Variants in CCDC62 observed in about 807,000 individuals in gnomAD.
CCDC62 encodes the protein coiled-coil domain containing 62.
CCDC62 carries 72 observed loss-of-function variants against 80.8 expected under a neutral mutation model. The ratio of observed to expected loss-of-function variants is 0.89; its 90% CI spans 0.74 to 1.08. The LOEUF is 1.08. CCDC62 is among the 50% of genes least tolerant of loss of function. CCDC62 has a pLI of 0.00. For missense variants in CCDC62, 704 were observed against 809.4 expected, an observed-to-expected ratio of 0.87 and a Z score of 1.58; for synonymous variants, 286 against 296.5, an observed-to-expected ratio of 0.96 and a Z score of 0.36.
intron 6 of CCDC62, among the ~76,000 whole-genome samples, chr12:122,795,244 T>C (rs999125521): frequency 1.3e-4 from 20 of 151,246 alleles, no homozygotes; most frequent in African/African-American, 4.6e-4. Context: ...AGAGACGTGG[T>C]TTCATTGTGT....
At chr12:122,805,187 CTTTTTT>C (rs35231650) in intron 9 of CCDC62, among the ~76,000 whole-genome samples, 77 of 64,480 alleles carry the variant, frequency 1.2e-3, no homozygotes, top group African/African-American at 3.1e-3. Flanking sequence ...AACTGGCCGG[CTTTTTT>C]TTTTTTTTTT....
intron 6 of CCDC62, among the ~76,000 whole-genome samples, chr12:122,796,541 G>A (rs1210686749): frequency 2.0e-5 from 3 of 152,118 alleles, no homozygotes; most frequent in Non-Finnish European, 2.9e-5. Flanking sequence ...GATGCACTAC[G>A]GATATCACTT....
intron 3 of CCDC62, among the ~76,000 whole-genome samples, chr12:122,781,609 C>T (rs538679010): frequency 1.3e-5 from 2 of 151,596 alleles, no homozygotes; most frequent in Admixed American, 6.6e-5. Flanking sequence ...CGTTTGAACC[C>T]GGGAGGTGGA....
intron 9 of CCDC62, among the ~76,000 whole-genome samples, chr12:122,803,520 G>A (rs1205633358): frequency 6.6e-6 from 1 of 152,056 alleles, no homozygotes; most frequent in Non-Finnish European, 1.5e-5. Context: ...ATATTGAGAG[G>A]CGTATTTTAA....
At chr12:122,805,335 T>G (rs1227151504) in intron 9 of CCDC62, among the ~76,000 whole-genome samples, 1 of 146,154 alleles carries the variant, frequency 6.8e-6, no homozygotes, top group Non-Finnish European at 1.5e-5. Flanking sequence ...AATAATTTTG[T>G]CTTAATTCTT....
intron 6 of CCDC62, 33 bp downstream of exon 6, chr12:122,792,154 A>T (rs918717288): frequency 2.3e-6 from 3 of 1,294,870 alleles, no homozygotes. Flanking sequence ...TTTGTAACCT[A>T]GACTTGCAAT....
Position 122,801,817 on chromosome 12 carries a change from A to T in CCDC62, c.1671A>T (p.Glu557Asp), listed in dbSNP as rs199891405. 1 of 1,614,140 alleles carries T rather than the reference A, an allele frequency of 6.2e-7. No individual in the cohort carries two copies. Among genetic ancestry groups the T allele is most frequent in the East Asian group, 2.2e-5 (1 of 44,884 alleles). The change falls in exon 9 of 13, where the codon GAA (glutamate) becomes GAT (aspartate). Residue 557 changes from glutamate (E) to aspartate (D), a missense_variant. By Grantham distance (45) the Glu-to-Asp change is conservative (BLOSUM62 2). Transcript: ENST00000253079. The part of the protein sequence containing the change: ...VRLKSGCTCS[E>D]SICGTQHDSP... ...TCAAATCTGGGTGCACCTGTTCAGAAAGCATCTGTGGCACACAACATGACT... is the reference window on the plus strand; with the variant it reads ...TCAAATCTGGGTGCACCTGTTCAGATAGCATCTGTGGCACACAACATGACT...
intron 10 of CCDC62, among the ~76,000 whole-genome samples, chr12:122,812,756 G>GGAGAGAGAGAGA (rs551370561): frequency 2.0e-4 from 18 of 88,836 alleles, no homozygotes; most frequent in African/African-American, 8.2e-4. Flanking sequence ...AGAGAGGGAG[G>GGAGAGAGAGAGA]GAGAGAGAGA....
intron 6 of CCDC62, among the ~76,000 whole-genome samples, chr12:122,793,475 A>C (rs949352958): frequency 1.3e-5 from 2 of 152,064 alleles, no homozygotes; most frequent in Admixed American, 1.3e-4. Context: ...GGAAACTCTG[A>C]GATACTGGGG....
At chr12:122,815,713 C>T (rs1480788056) in intron 11 of CCDC62, among the ~76,000 whole-genome samples, 1 of 152,182 alleles carries the variant, frequency 6.6e-6, no homozygotes, top group African/African-American at 2.4e-5. Context: ...TCCCAAAATG[C>T]TGGGATTACA....
At chr12:122,784,737 AG>A (rs552236739) in intron 3 of CCDC62, among the ~76,000 whole-genome samples, 140 of 152,262 alleles carry the variant, frequency 9.2e-4, no homozygotes, top group African/African-American at 3.2e-3. Flanking sequence ...CGGGACACTG[AG>A]GTGGGAGGAC....
At chr12:122,788,617 A>T in intron 4 of CCDC62, 141 bp from the exon 5 acceptor site, 1 of 579,802 alleles carries the variant, frequency 1.7e-6, no homozygotes, top group Non-Finnish European at 3.0e-6. Context: ...TCATAGAGTT[A>T]CTGTAAAGAT....
At chr12:122,811,600 A>G (rs1447810045) in intron 10 of CCDC62, among the ~76,000 whole-genome samples, 1 of 151,054 alleles carries the variant, frequency 6.6e-6, no homozygotes, top group Non-Finnish European at 1.5e-5. Context: ...AAGGGGGATC[A>G]CCTAAGGTCA....
intron 3 of CCDC62, among the ~76,000 whole-genome samples, chr12:122,782,883 G>A (rs868268091): frequency 1.3e-5 from 2 of 151,572 alleles, no homozygotes; most frequent in Admixed American, 6.6e-5. Flanking sequence ...CGAGGTGGGC[G>A]GTGACTTGAG....
intron 6 of CCDC62, among the ~76,000 whole-genome samples, chr12:122,795,760 G>A (rs1414135579): frequency 6.6e-6 from 1 of 152,146 alleles, no homozygotes; most frequent in Non-Finnish European, 1.5e-5. Context: ...TAGGAGTAAG[G>A]AGTTTGCAAA....
At chr12:122,774,799 T>C (rs1879311527) in intron 1 of CCDC62, 93 bp downstream of exon 1, 1 of 1,033,872 alleles carries the variant, frequency 9.7e-7, no homozygotes, top group Non-Finnish European at 1.2e-6. Context: ...CTACTTAAAA[T>C]GTGAAACAGG....
chr12:122,825,023 T>A (rs1275150763), intron 12 of CCDC62, among the ~76,000 whole-genome samples: 2 of 148,432 alleles, frequency 1.3e-5, no homozygotes, highest in African/African-American at 5.0e-5. Context: ...GAGGCGGAGG[T>A]TGCAGTGAGC....
intron 11 of CCDC62, among the ~76,000 whole-genome samples, chr12:122,817,895 G>T (rs1464489820): frequency 6.6e-6 from 1 of 152,068 alleles, no homozygotes; most frequent in Admixed American, 6.6e-5. Flanking sequence ...CATGACTCCT[G>T]CTCACTGTGA....
chr12:122,809,885 C>G (rs1234592520), intron 10 of CCDC62, among the ~76,000 whole-genome samples: 2 of 152,220 alleles, frequency 1.3e-5, no homozygotes, highest in East Asian at 3.9e-4. Context: ...ACTATCTGAT[C>G]TTTGACAAAC....
Sources: allele counts gnomAD v4.1 joint callset (sites outside exome capture counted in the v4.1 genomes callset), GRCh38; gene constraint gnomAD v4.1.1; transcripts MANE v1.5; gene names NCBI Gene and HGNC (gene_info 2026-07-23, HGNC 2026-07-21).